CD86: variants seen among roughly 807,000 people sequenced by gnomAD.
CD86 encodes the protein T-lymphocyte activation antigen CD86.
In CD86, 11 loss-of-function variants were observed where a neutral mutation model predicts 32.1. That is an observed-to-expected ratio of 0.34 (90% CI 0.22 to 0.57). The LOEUF (loss-of-function observed/expected upper bound fraction) is 0.57. CD86 is among the 20% of genes least tolerant of loss of function. The probability of loss-of-function intolerance (pLI) is 0.86; values close to 1 mark genes in which losing one functional copy is unlikely to be tolerated. For missense variants in CD86, 359 were observed against 398.4 expected, an observed-to-expected ratio of 0.90 and a Z score of 0.84; for synonymous variants, 137 against 135.3, an observed-to-expected ratio of 1.01 and a Z score of -0.09.
At chr3:122,103,463 C>T in intron 2 of CD86, 49 bp from the exon 3 acceptor site, 2 of 1,284,708 alleles carry the variant, frequency 1.6e-6, no homozygotes, top group Admixed American at 2.2e-5. Flanking sequence ...GAGGTTTTTT[C>T]CCCTTTCCTC....
intron 2 of CD86, among the ~76,000 whole-genome samples, chr3:122,098,541 G>T (rs879848729): frequency 5.3e-5 from 8 of 152,168 alleles, no homozygotes; most frequent in Non-Finnish European, 1.0e-4. Context: ...CTCAGTGTGA[G>T]GGGAAGGGAT....
intron 1 of CD86, among the ~76,000 whole-genome samples, chr3:122,068,856 A>T (rs2072449801): frequency 6.6e-6 from 1 of 152,194 alleles, no homozygotes; most frequent in African/African-American, 2.4e-5. Context: ...AATCACTTAG[A>T]CCGTCCTTCC....
At position 122,099,351 on chromosome 3, in the gene CD86, TG is replaced by T. The variant is rs575071100; in HGVS notation, c.65-4158del. Among the ~76,000 whole-genome samples, 133 of 151,504 alleles carry T rather than the reference TG, an allele frequency of 8.8e-4. 2 individuals carry two copies. The highest frequency in any genetic ancestry group is 3.4e-3 in the Middle Eastern group (1 of 294). On this transcript the variant is annotated intron_variant, in intron 2 of 6. Coordinates refer to ENST00000330540, the MANE Select transcript of CD86 (RefSeq NM_175862.5). ...CAGTAGAGAGGTGGGGGTGGGAGGC[TG>T]GGAATAAAGGCAGCAATTGCTGCTT... is the stretch of plus-strand genomic sequence containing the variant.
At chr3:122,063,592 AT>A (rs60822683) in intron 1 of CD86, among the ~76,000 whole-genome samples, 3,460 of 121,678 alleles carry the variant, frequency 0.028, 105 homozygotes, top group African/African-American at 0.088. Flanking sequence ...ACATAGAAAG[AT>A]TTTTTTTTTT....
chr3:122,117,800 A>G, intron 5 of CD86, among the ~76,000 whole-genome samples: 1 of 152,232 alleles, frequency 6.6e-6, no homozygotes, highest in East Asian at 1.9e-4. Context: ...ATAGAGATAT[A>G]AGTGAAAAAT....
intron 4 of CD86, among the ~76,000 whole-genome samples, chr3:122,108,060 G>A (rs1188581883): frequency 6.6e-6 from 1 of 152,220 alleles, no homozygotes; most frequent in Non-Finnish European, 1.5e-5. Context: ...AGGGCCCTCT[G>A]TTACGGCTCC....
chr3:122,077,894 C>T (rs999060378), intron 1 of CD86: 9 of 985,502 alleles, frequency 9.1e-6, no homozygotes, highest in Non-Finnish European at 1.1e-5. Flanking sequence ...CATTATTTCT[C>T]TCTCTACAAG....
At chr3:122,067,389 G>A (rs941536653) in intron 1 of CD86, among the ~76,000 whole-genome samples, 7 of 152,206 alleles carry the variant, frequency 4.6e-5, no homozygotes, top group African/African-American at 1.7e-4. Context: ...CCAATGAATT[G>A]AAAGTGGATG....
rs118030023 is a variant in CD86 at position 122,095,636 on chromosome 3, C to G, written c.64+3986C>G. Among the ~76,000 whole-genome samples, 35 of 152,300 alleles carry G rather than the reference C, an allele frequency of 2.3e-4. No homozygotes were observed. The East Asian group carries it at 6.4e-3, about 28-fold the overall frequency. On this transcript the variant is annotated intron_variant, in intron 2 of 6. Transcript: ENST00000330540. Reference sequence around the variant, plus strand: ...TTGATAGCCCTCATTAAAACCATCACCTGGAGGTGAATAGACAGTCGAGAC... The same window carrying G: ...TTGATAGCCCTCATTAAAACCATCAGCTGGAGGTGAATAGACAGTCGAGAC...
At chr3:122,086,884 A>G (rs965728117) in intron 1 of CD86, among the ~76,000 whole-genome samples, 1 of 147,458 alleles carries the variant, frequency 6.8e-6, no homozygotes, top group Non-Finnish European at 1.5e-5. Flanking sequence ...GGCAGAGCAA[A>G]AACTGGTTGG....
Position 122,106,365 on chromosome 3 carries a change from C to T in CD86, c.568C>T (p.Gln190Ter). 6.2e-7 allele frequency: 1 copy of T among 1,614,124 alleles called. No homozygotes were observed. The highest frequency in any genetic ancestry group is 8.5e-7 in the Non-Finnish European group (1 of 1,180,002). The change falls in exon 4 of 7, where the codon CAA (glutamine) becomes TAA (stop). Residue 190 changes from glutamine (Q) to a stop codon, truncating the protein, a stop_gained. Coordinates refer to ENST00000330540, the MANE Select transcript of CD86 (RefSeq NM_175862.5). LOFTEE classifies it high-confidence loss of function. ...IEYDGVMQKS[Q>*]DNVTELYDVS... ...GTATGATGGTGTTATGCAGAAATCT[C>T]AAGATAATGTCACAGAACTGTACGA... is the stretch of plus-strand genomic sequence containing the variant.
intron 4 of CD86, among the ~76,000 whole-genome samples, chr3:122,107,188 T>A (rs1282695838): frequency 6.6e-6 from 1 of 152,198 alleles, no homozygotes; most frequent in African/African-American, 2.4e-5. Flanking sequence ...AAGGGGTACC[T>A]TGTAACATGT....
intron 1 of CD86, among the ~76,000 whole-genome samples, chr3:122,057,286 A>G (rs568852390): frequency 2.5e-4 from 38 of 152,344 alleles, no homozygotes; most frequent in Non-Finnish European, 4.4e-4. Flanking sequence ...ATGTTTGTAA[A>G]GTTTTAGTGA....
intron 2 of CD86, among the ~76,000 whole-genome samples, chr3:122,103,276 T>C (rs965344215): frequency 6.6e-6 from 1 of 152,088 alleles, no homozygotes; most frequent in Non-Finnish European, 1.5e-5. Context: ...ATGAGGAAAC[T>C]GAGGCTCATA....
chr3:122,070,133 A>G (rs2072469290), intron 1 of CD86, among the ~76,000 whole-genome samples: 1 of 152,198 alleles, frequency 6.6e-6, no homozygotes, highest in African/African-American at 2.4e-5. Flanking sequence ...AGTCTTCTGC[A>G]TTCACTTGTA....
intron 2 of CD86, among the ~76,000 whole-genome samples, chr3:122,094,124 G>C (rs1266740258): frequency 6.6e-6 from 1 of 152,184 alleles, no homozygotes; most frequent in Non-Finnish European, 1.5e-5. Flanking sequence ...AAAGTGACCA[G>C]CCCAGCTCTC....
intron 2 of CD86, among the ~76,000 whole-genome samples, chr3:122,102,033 G>A (rs2073017932): frequency 6.6e-6 from 1 of 152,120 alleles, no homozygotes; most frequent in African/African-American, 2.4e-5. Flanking sequence ...CCTGCTGTCT[G>A]CTTCCCTAAG....
At chr3:122,066,025 G>C (rs910390771) in intron 1 of CD86, among the ~76,000 whole-genome samples, 4 of 152,044 alleles carry the variant, frequency 2.6e-5, no homozygotes, top group Non-Finnish European at 5.9e-5. Flanking sequence ...GGTTGCAGGG[G>C]AAAAGTTAGA....
chr3:122,067,459 A>G (rs2072431239), intron 1 of CD86, among the ~76,000 whole-genome samples: 1 of 152,214 alleles, frequency 6.6e-6, no homozygotes. Context: ...AGGTATGAAA[A>G]TGGCCTGGTC....
Sources: gnomAD v4.1 joint callset for allele counts (sites outside exome capture counted in the v4.1 genomes callset) on GRCh38, gnomAD v4.1.1 for gene constraint, MANE v1.5 for transcripts, NCBI Gene and HGNC (gene_info 2026-07-23, HGNC 2026-07-21) for gene names.